Variants in PTPRD observed in about 807,000 individuals in gnomAD.
PTPRD encodes receptor-type tyrosine-protein phosphatase delta.
PTPRD carries 34 observed loss-of-function variants against 214.5 expected under a neutral mutation model. The observed-to-expected ratio is 0.16, with a 90% CI of 0.12 to 0.21. PTPRD has a LOEUF of 0.21. PTPRD is among the 10% of genes least tolerant of loss of function. PTPRD has a pLI of 1.00. For missense variants in PTPRD, 2,545 were observed against 2,398.7 expected (o/e 1.06, Z -1.27); for synonymous variants, 1,128 against 845.7 (o/e 1.33, Z -5.79).
In PTPRD at chr9:8,500,859, C is replaced by T. The variant is rs1329398246; in HGVS notation, c.2023G>A (p.Glu675Lys). The T allele has an allele frequency of 6.2e-6, 10 of 1,614,106 alleles. No individual in the cohort carries two copies. Among genetic ancestry groups the T allele is most frequent in the Non-Finnish European group, 7.6e-6 (9 of 1,180,000 alleles). Reference sequence around the variant, plus strand: ...TATTCAGTCCATTTTTCCAGCTGTTCCAAAAGGTATTTGGTAGTGTCCGAA... The same window carrying T: ...TATTCAGTCCATTTTTCCAGCTGTTTCAAAAGGTATTTGGTAGTGTCCGAA... ...IPSDTTKYLL[E>K]QLEKWTEYRI... Residue 675 changes from glutamate (E) to lysine (K), a missense_variant, in exon 24 of 46, where the codon GAA (glutamate) becomes AAA (lysine). Glu to Lys is a moderately conservative substitution (Grantham distance 56). Coordinates refer to ENST00000381196, the MANE Select transcript of PTPRD (RefSeq NM_002839.4).
chr9:9,741,357 G>C (rs1596462106), intron 6 of PTPRD, among the ~76,000 whole-genome samples: 1 of 105,410 alleles, frequency 9.5e-6, no homozygotes, highest in Non-Finnish European at 1.7e-5. Flanking sequence ...TTCAAAAATA[G>C]AATTTTTTTT....
intron 2 of PTPRD, among the ~76,000 whole-genome samples, chr9:10,608,959 T>C (rs1409435577): frequency 1.3e-5 from 2 of 152,128 alleles, no homozygotes; most frequent in Non-Finnish European, 2.9e-5. Context: ...GGTAAAGAAA[T>C]TGCACTTTAA....
chr9:9,392,467 G>C (rs1185647088), intron 9 of PTPRD, among the ~76,000 whole-genome samples: 1 of 152,116 alleles, frequency 6.6e-6, no homozygotes, highest in African/African-American at 2.4e-5. Context: ...TCTCATATCA[G>C]TAGATACAAA....
chr9:9,792,261 T>C (rs143473394), intron 5 of PTPRD, among the ~76,000 whole-genome samples: 3,084 of 152,254 alleles, frequency 0.02, 54 homozygotes, highest in Middle Eastern at 0.034. Flanking sequence ...TATTTAATGC[T>C]GTTTCAGGTA....
chr9:9,728,222 T>C (rs2098126190), intron 7 of PTPRD, among the ~76,000 whole-genome samples: 1 of 152,168 alleles, frequency 6.6e-6, no homozygotes, highest in Non-Finnish European at 1.5e-5. Context: ...CGTTATAAAT[T>C]ACCCAGTCTC....
chr9:9,744,239 C>G (rs1179938667), intron 6 of PTPRD, among the ~76,000 whole-genome samples: 5 of 152,044 alleles, frequency 3.3e-5, no homozygotes, highest in South Asian at 2.1e-4. Context: ...ATCTACAAGT[C>G]TTCTAATTGG....
intron 10 of PTPRD, among the ~76,000 whole-genome samples, chr9:9,082,735 C>T (rs1349870214): frequency 6.6e-6 from 1 of 152,104 alleles, no homozygotes; most frequent in Non-Finnish European, 1.5e-5. Flanking sequence ...GCAAAAATCA[C>T]AAGCATTCCT....
At chr9:8,389,206 G>A (rs145485748) in intron 37 of PTPRD, 26 bp downstream of exon 37, 1 of 1,574,350 alleles carries the variant, frequency 6.4e-7, no homozygotes, top group Admixed American at 1.8e-5. Context: ...ATTTTTAAAA[G>A]GAAAGAGGTG....
chr9:9,922,559 A>G (rs1234909006), intron 5 of PTPRD, among the ~76,000 whole-genome samples: 1 of 152,128 alleles, frequency 6.6e-6, no homozygotes, highest in Non-Finnish European at 1.5e-5. Context: ...AAGGACTGAA[A>G]TAGAGATAAT....
intron 9 of PTPRD, among the ~76,000 whole-genome samples, chr9:9,279,135 A>G (rs1051626677): frequency 2.0e-5 from 3 of 150,906 alleles, no homozygotes; most frequent in African/African-American, 7.3e-5. Context: ...CAAAATGTCA[A>G]CTGTTTCATT....
intron 3 of PTPRD, among the ~76,000 whole-genome samples, chr9:10,154,345 T>A (rs1377027228): frequency 6.6e-6 from 1 of 152,182 alleles, no homozygotes; most frequent in Non-Finnish European, 1.5e-5. Context: ...TTGTTTAAGT[T>A]CTTTATAAAT....
At chr9:9,094,179 C>T (rs2099780219) in intron 10 of PTPRD, among the ~76,000 whole-genome samples, 1 of 152,050 alleles carries the variant, frequency 6.6e-6, no homozygotes, top group African/African-American at 2.4e-5. Flanking sequence ...AGTCTTCAAG[C>T]AAAGAAAACG....
intron 4 of PTPRD, among the ~76,000 whole-genome samples, chr9:9,960,719 G>C (rs777605505): frequency 6.6e-6 from 1 of 152,072 alleles, no homozygotes; most frequent in Non-Finnish European, 1.5e-5. Flanking sequence ...CAACAATAAG[G>C]AAAGTCAGAA....
intron 12 of PTPRD, among the ~76,000 whole-genome samples, chr9:8,731,521 TCTGTAGTGTTA>T (rs1565632899): frequency 6.6e-6 from 1 of 152,230 alleles, no homozygotes; most frequent in Non-Finnish European, 1.5e-5. Flanking sequence ...ATCAAATTTT[TCTGTAGTGTTA>T]CTTATAACTT....
intron 12 of PTPRD, among the ~76,000 whole-genome samples, chr9:8,647,208 C>T (rs769578485): frequency 6.6e-6 from 1 of 152,150 alleles, no homozygotes; most frequent in African/African-American, 2.4e-5. Flanking sequence ...ACCTCATTGT[C>T]ATCACAGAGC....
chr9:9,034,130 T>C (rs1367263113), intron 10 of PTPRD, among the ~76,000 whole-genome samples: 1 of 152,158 alleles, frequency 6.6e-6, no homozygotes, highest in Non-Finnish European at 1.5e-5. Context: ...AACAAAGGCA[T>C]ACTTAAGTGA....
intron 14 of PTPRD, among the ~76,000 whole-genome samples, chr9:8,557,060 A>G (rs12346536): frequency 0.041 from 6,209 of 152,224 alleles, 407 homozygotes; most frequent in African/African-American, 0.14. Flanking sequence ...TGTGGTATAC[A>G]GTAAAGGAGG....
intron 5 of PTPRD, among the ~76,000 whole-genome samples, chr9:9,869,025 G>C (rs2064755252): frequency 6.6e-6 from 1 of 152,148 alleles, no homozygotes. Context: ...CATAATTTGA[G>C]AATATGGTAT....
chr9:10,446,597 A>G (rs2098801649), intron 2 of PTPRD, among the ~76,000 whole-genome samples: 1 of 151,910 alleles, frequency 6.6e-6, no homozygotes, highest in South Asian at 2.1e-4. Context: ...GAGGAGCAAG[A>G]TATCATTAAA....
Sources: allele counts gnomAD v4.1 joint callset (sites outside exome capture counted in the v4.1 genomes callset), GRCh38; gene constraint gnomAD v4.1.1; transcripts MANE v1.5; gene names NCBI Gene and HGNC (gene_info 2026-07-23, HGNC 2026-07-21).